The following SMYD4 variants were observed in gnomAD, a reference collection of about 807,000 sequenced individuals.
SMYD4 encodes the protein SET and MYND domain containing 4, also known as protein-lysine N-methyltransferase SMYD4.
In SMYD4, 68 loss-of-function variants were observed where a neutral mutation model predicts 72.8. The ratio of observed to expected loss-of-function variants is 0.93; its 90% CI spans 0.77 to 1.14. SMYD4 has a LOEUF of 1.14. SMYD4 is among the 50% of genes most tolerant of loss of function. The pLI is 0.00. For synonymous variants in SMYD4, 407 were observed against 388.6 expected (o/e 1.05, Z -0.56); for missense variants, 984 against 1,003.7 (o/e 0.98, Z 0.27).
chr17:1,803,041 G>A (rs1343129831), intron 4 of SMYD4, among the ~76,000 whole-genome samples: 2 of 152,218 alleles, frequency 1.3e-5, no homozygotes, highest in East Asian at 3.8e-4. Context: ...CTACTCAGAG[G>A]CTGAGGCAGG....
chr17:1,827,745 G>C, intron 2 of SMYD4, 116 bp downstream of exon 2: 1 of 1,339,486 alleles, frequency 7.5e-7, no homozygotes, highest in South Asian at 1.7e-5. Context: ...AGACCAGCCT[G>C]GGAAACAAGC....
chr17:1,800,396 G>C lies in SMYD4; in HGVS notation c.998C>G (p.Thr333Arg). Residue 333 changes from threonine (T) to arginine (R), a missense_variant, in exon 5 of 11, where the codon ACA becomes AGA. Transcript: ENST00000305513. ...AAGCAGCCCTCCCAGAGGACATTCT[G>C]TCCTGTGGTAGAGCTCCCAGGCCTG... ...LQQAWELYHRTECPLGGLLLT... is the reference protein window; with the variant it reads ...LQQAWELYHRRECPLGGLLLT... 6.2e-7 allele frequency: 1 copy of C among 1,614,188 alleles called. No individual in the cohort carries two copies. The highest frequency in any genetic ancestry group is 8.5e-7 in the Non-Finnish European group (1 of 1,180,042).
rs1908443138 is a variant in SMYD4, at chr17:1,782,952, A to G, written c.2261+83T>C. The G allele has an allele frequency of 1.9e-6, 3 of 1,541,916 alleles. No homozygotes were observed. In the South Asian group the frequency reaches 3.7e-5, roughly 19 times the overall value. ...ATAAAGAAGTTTCAACATGCTTTTA[A>G]AAACACCATAGAAAAAAAGTAATAC... On this transcript the variant is annotated intron_variant, in intron 10 of 10. Transcript: ENST00000305513.
Position 1,781,398 on chromosome 17 carries a change from T to G in SMYD4, c.2303A>C (p.Glu768Ala). The change falls in exon 11 of 11, where the codon GAG becomes GCG. Residue 768 changes from glutamate (E) to alanine (A), a missense_variant. Physicochemically the swap from Glu to Ala is moderately radical, Grantham distance 107. Transcript: ENST00000305513. ...GCCACAGTGCAGCGACAGAACCTCC[T>G]CAGCTTTCTGTATTGTGCTCAGGGC... ...PEALSTIQKA[E>A]EVLSLHCGPW... The G allele has an allele frequency of 1.2e-6, 2 of 1,614,134 alleles. No individual in the cohort carries two copies. Among genetic ancestry groups the G allele is most frequent in the Non-Finnish European group, 1.7e-6 (2 of 1,180,022 alleles).
chr17:1,785,930 C>T (rs1304059219), intron 7 of SMYD4, among the ~76,000 whole-genome samples: 1 of 152,192 alleles, frequency 6.6e-6, no homozygotes, highest in Admixed American at 6.6e-5. Flanking sequence ...GGGGAAACCT[C>T]CGAGGTGGAC....
rs2085196883 is a variant in SMYD4 at position 1,798,216 on chromosome 17, T to A, written c.1537+1641A>T. ...TGCGATCATGGCTCACTGCAACCTC[T>A]GCCTCCTGGGCTGAAGTGATTCTCC... On this transcript the variant is annotated intron_variant, in intron 5 of 10. Coordinates refer to ENST00000305513, the MANE Select transcript of SMYD4 (RefSeq NM_052928.3). Among the ~76,000 whole-genome samples, 4 of 151,664 alleles carry A rather than the reference T, an allele frequency of 2.6e-5. 1 individual carries two copies. In the South Asian group the frequency reaches 8.4e-4, roughly 32 times the overall value.
At chr17:1,828,261 G>C (rs147232921) in intron 1 of SMYD4, among the ~76,000 whole-genome samples, 31 of 151,464 alleles carry the variant, frequency 2.0e-4, no homozygotes, top group African/African-American at 7.0e-4. Flanking sequence ...TGAGGCAAGA[G>C]AACTGCGTGA....
At chr17:1,781,468 T>C in intron 10 of SMYD4, 29 bp from the exon 11 acceptor site, 1 of 1,606,724 alleles carries the variant, frequency 6.2e-7, no homozygotes, top group Non-Finnish European at 8.5e-7. Context: ...GAGGAGTTAG[T>C]TCACTGATTT....
rs1328166181 is a variant in SMYD4 at position 1,800,990 on chromosome 17, T to C, written c.404A>G (p.His135Arg). ...GGGTTGCAACCTTTCTGGATACCCA[T>C]GTGTCTGTGCTCTGTTAATGTCTTT... ...CLKDINRAQT[H>R]GYPERLQPKI... The change falls in exon 5 of 11, where the codon CAT becomes CGT. Residue 135 changes from histidine to arginine, a missense_variant. Coordinates refer to ENST00000305513, the MANE Select transcript of SMYD4 (RefSeq NM_052928.3). The C allele has an allele frequency of 3.1e-6, 5 of 1,613,540 alleles. No individual in the cohort carries two copies. Among genetic ancestry groups the C allele is most frequent in the East Asian group, 2.2e-5 (1 of 44,820 alleles).
At chr17:1,804,527 A>G in intron 4 of SMYD4, 99 bp downstream of exon 4, 1 of 1,060,452 alleles carries the variant, frequency 9.4e-7, no homozygotes, top group Non-Finnish European at 1.4e-6. Context: ...GCATGACATG[A>G]TTTTAGTGTT....
At chr17:1,789,506 G>A (rs1191744081) in intron 5 of SMYD4, among the ~76,000 whole-genome samples, 1 of 152,144 alleles carries the variant, frequency 6.6e-6, no homozygotes, top group Non-Finnish European at 1.5e-5. Context: ...GCTCACGCCT[G>A]TAATCCCAGC....
chr17:1,781,554 A>C, intron 10 of SMYD4, 115 bp from the exon 11 acceptor site: 1 of 1,205,712 alleles, frequency 8.3e-7, no homozygotes, highest in Non-Finnish European at 1.1e-6. Context: ...CAAGGATCCT[A>C]CAATCTAGAA....
intron 3 of SMYD4, 148 bp from the exon 4 acceptor site, chr17:1,804,863 A>C (rs1380421672): frequency 1.4e-6 from 1 of 699,610 alleles, no homozygotes; most frequent in East Asian, 3.0e-5. Flanking sequence ...TCTTTTAACT[A>C]CCTGAGAGCA....
intron 3 of SMYD4, among the ~76,000 whole-genome samples, chr17:1,807,214 C>G (rs550249628): frequency 6.6e-6 from 1 of 151,474 alleles, no homozygotes; most frequent in South Asian, 2.1e-4. Context: ...TCATCATAGA[C>G]TTGTTTGAAA....
At chr17:1,782,946 C>T in intron 10 of SMYD4, 89 bp downstream of exon 10, 1 of 1,532,544 alleles carries the variant, frequency 6.5e-7, no homozygotes, top group South Asian at 1.3e-5. Flanking sequence ...TTTCAACATG[C>T]TTTTAAAAAC....
At chr17:1,795,573 G>A (rs1025284802) in intron 5 of SMYD4, among the ~76,000 whole-genome samples, 5 of 152,076 alleles carry the variant, frequency 3.3e-5, no homozygotes, top group African/African-American at 1.2e-4. Flanking sequence ...CTCCCGTGTA[G>A]CTGGGATTAC....
At chr17:1,810,823 C>A (rs531222959) in intron 3 of SMYD4, among the ~76,000 whole-genome samples, 1 of 152,344 alleles carries the variant, frequency 6.6e-6, no homozygotes, top group South Asian at 2.1e-4. Context: ...CATCGGCATG[C>A]CATCGACCAG....
intron 3 of SMYD4, among the ~76,000 whole-genome samples, chr17:1,807,729 T>A (rs984368840): frequency 2.0e-5 from 3 of 152,164 alleles, no homozygotes; most frequent in Admixed American, 1.3e-4. Flanking sequence ...GGAAAAGGCA[T>A]GGTGCTGAAC....
intron 1 of SMYD4, 73 bp from the exon 2 acceptor site, chr17:1,828,079 G>T: frequency 6.8e-7 from 1 of 1,475,154 alleles, no homozygotes; most frequent in South Asian, 1.2e-5. Flanking sequence ...AGCCAGGTAC[G>T]GTGGCTCACA....
Sources: gnomAD v4.1 joint callset for allele counts (sites outside exome capture counted in the v4.1 genomes callset) on GRCh38, gnomAD v4.1.1 for gene constraint, MANE v1.5 for transcripts, NCBI Gene and HGNC (gene_info 2026-07-23, HGNC 2026-07-21) for gene names.